Variants in RTN1 observed in about 807,000 individuals in gnomAD.
The protein encoded by RTN1 is reticulon 1.
In RTN1, 25 loss-of-function variants were observed where a neutral mutation model predicts 65.5. That is an observed-to-expected ratio of 0.38 (90% CI 0.28 to 0.53). The LOEUF (loss-of-function observed/expected upper bound fraction) is 0.53, where lower values mean the gene tolerates loss of function less well. Ranked by LOEUF, RTN1 falls within the 20% of genes least tolerant of loss-of-function variation. The pLI, the probability that RTN1 is intolerant of heterozygous loss-of-function variation, is 0.79. For synonymous variants in RTN1, 471 were observed against 447.6 expected (o/e 1.05, Z -0.66); for missense variants, 983 against 1,025.4 (o/e 0.96, Z 0.57).
chr14:59,752,675 G>T (rs1305209432), intron 1 of RTN1, among the ~76,000 whole-genome samples: 1 of 152,020 alleles, frequency 6.6e-6, no homozygotes, highest in African/African-American at 2.4e-5. Flanking sequence ...CCTGGATTTT[G>T]ATGCTTATGT....
At chr14:59,763,900 C>CCT (rs1885799556) in intron 1 of RTN1, among the ~76,000 whole-genome samples, 7 of 152,180 alleles carry the variant, frequency 4.6e-5, no homozygotes, top group African/African-American at 1.7e-4. Context: ...TCTCCTGGTA[C>CCT]AACCTACCTA....
chr14:59,863,785 C>T (rs1887751059), intron 1 of RTN1, among the ~76,000 whole-genome samples: 1 of 152,198 alleles, frequency 6.6e-6, no homozygotes, highest in African/African-American at 2.4e-5. Context: ...CTAAAACTTG[C>T]TCTTCCTAAA....
intron 1 of RTN1, among the ~76,000 whole-genome samples, chr14:59,809,708 G>C (rs77368414): frequency 0.012 from 1,836 of 152,242 alleles, 33 homozygotes; most frequent in African/African-American, 0.041. Context: ...TCTAGTCACA[G>C]GACTTTTCAT....
intron 1 of RTN1, among the ~76,000 whole-genome samples, chr14:59,768,725 T>TA (rs11433617): frequency 0.073 from 11,105 of 151,628 alleles, 1,302 homozygotes; most frequent in African/African-American, 0.25. Flanking sequence ...GTCTCGCTGT[T>TA]AAAAAAAAAT....
chr14:59,753,125 G>A (rs1885566159), intron 1 of RTN1, among the ~76,000 whole-genome samples: 1 of 152,102 alleles, frequency 6.6e-6, no homozygotes, highest in Admixed American at 6.5e-5. Flanking sequence ...TTCCCCCAAG[G>A]TGATGCCTCT....
At chr14:59,750,224 T>G (rs1233791587) in intron 1 of RTN1, among the ~76,000 whole-genome samples, 2 of 49,420 alleles carry the variant, frequency 4.0e-5, no homozygotes, top group Admixed American at 8.1e-4. Flanking sequence ...ATATATTATA[T>G]CTATAATATA....
chr14:59,692,838 T>C, intron 3 of RTN1, among the ~76,000 whole-genome samples: 1 of 151,970 alleles, frequency 6.6e-6, no homozygotes. Flanking sequence ...AAGGCAAAAA[T>C]AAGCAATGGA....
intron 3 of RTN1, among the ~76,000 whole-genome samples, chr14:59,716,585 G>A (rs1027971150): frequency 9.9e-5 from 15 of 152,096 alleles, no homozygotes; most frequent in African/African-American, 2.9e-4. Context: ...ACAGTACAGC[G>A]ATGTGAACAT....
rs79971950 is a variant in RTN1, at chr14:59,831,463, T to A, written c.241+38927A>T. 2.7e-3 allele frequency among the ~76,000 whole-genome samples: 415 copies of A among 152,296 alleles called. 2 individuals are homozygous for A. Among genetic ancestry groups the A allele is most frequent in the African/African-American group, 9.4e-3 (389 of 41,554 alleles). On this transcript the variant is annotated intron_variant, in intron 1 of 8. Transcript: ENST00000267484. ...CATTGGCTCTCTTGGGGGCTCAAGC[T>A]GGCCAACCTTCAGACTGGAACTACA...
chr14:59,660,088 T>A (rs1382199302), intron 3 of RTN1, among the ~76,000 whole-genome samples: 1 of 152,108 alleles, frequency 6.6e-6, no homozygotes, highest in Admixed American at 6.5e-5. Flanking sequence ...AGGGTTGCAA[T>A]CCTAGTCTCT....
intron 3 of RTN1, among the ~76,000 whole-genome samples, chr14:59,628,118 T>G (rs776577248): frequency 3.3e-5 from 5 of 152,084 alleles, no homozygotes; most frequent in Non-Finnish European, 7.4e-5. Flanking sequence ...GAGGATTGCT[T>G]GAGGCCAGGA....
intron 3 of RTN1, among the ~76,000 whole-genome samples, chr14:59,635,245 A>G (rs2140187880): frequency 6.6e-6 from 1 of 152,324 alleles, no homozygotes; most frequent in East Asian, 1.9e-4. Flanking sequence ...ATAGTTTGAG[A>G]AAATAACATC....
intron 3 of RTN1, among the ~76,000 whole-genome samples, chr14:59,716,478 C>T (rs951338762): frequency 2.0e-5 from 3 of 152,176 alleles, no homozygotes; most frequent in African/African-American, 7.2e-5. Context: ...CTGCTGAAAA[C>T]TAAGTTACCC....
intron 1 of RTN1, among the ~76,000 whole-genome samples, chr14:59,772,065 A>G (rs571671014): frequency 6.6e-6 from 1 of 152,376 alleles, no homozygotes; most frequent in Non-Finnish European, 1.5e-5. Flanking sequence ...ACATCTGAAG[A>G]CAATAGCACT....
chr14:59,661,231 T>C (rs1262136857), intron 3 of RTN1, among the ~76,000 whole-genome samples: 2 of 130,822 alleles, frequency 1.5e-5, no homozygotes, highest in African/African-American at 5.8e-5. Context: ...AGTTGTGAAA[T>C]TCAGGCAGTA....
intron 1 of RTN1, among the ~76,000 whole-genome samples, chr14:59,826,480 T>A (rs1887033017): frequency 6.6e-6 from 1 of 152,166 alleles, no homozygotes; most frequent in South Asian, 2.1e-4. Context: ...ATATTTCCAG[T>A]CCCAGTCTGG....
Position 59,596,644 on chromosome 14 carries a change from GGGA to G in RTN1, c.*98_*100del. 1 of 902,970 alleles carries G rather than the reference GGGA, an allele frequency of 1.1e-6. No individual in the cohort carries two copies. Among genetic ancestry groups the G allele is most frequent in the South Asian group, 1.3e-5 (1 of 75,690 alleles). The allele number at this position is 902,970 out of a possible 1,614,324, so 55.9% of individuals were successfully genotyped here. A position where few individuals can be genotyped will look rare whatever the true frequency, so the allele number is the denominator to read the frequency against. ...TTGTCTCTAAGATTATGGTACTGGA[GGGA>G]GGGGGGAAAGACAATCAATTTGCAG... On this transcript the variant is annotated 3_prime_UTR_variant, in exon 9 of 9. Coordinates refer to ENST00000267484, the MANE Select transcript of RTN1 (RefSeq NM_021136.3).
At chr14:59,700,659 G>A (rs1884159215) in intron 3 of RTN1, among the ~76,000 whole-genome samples, 1 of 152,008 alleles carries the variant, frequency 6.6e-6, no homozygotes, top group Non-Finnish European at 1.5e-5. Context: ...TGAGACAACT[G>A]GATATCTATA....
chr14:59,640,875 TTTG>T (rs1488077752), intron 3 of RTN1, among the ~76,000 whole-genome samples: 1 of 152,220 alleles, frequency 6.6e-6, no homozygotes, highest in Non-Finnish European at 1.5e-5. Context: ...ATTTTGTTTC[TTTG>T]TTTTTATTTT....
Sources: allele counts gnomAD v4.1 joint callset (sites outside exome capture counted in the v4.1 genomes callset), GRCh38; gene constraint gnomAD v4.1.1; transcripts MANE v1.5; gene names NCBI Gene and HGNC (gene_info 2026-07-23, HGNC 2026-07-21).